Variants in ARHGAP35 observed in about 807,000 individuals in gnomAD.
ARHGAP35 encodes the protein rho GTPase-activating protein 35.
ARHGAP35 carries 15 observed loss-of-function variants against 111.1 expected under a neutral mutation model. The observed-to-expected ratio is 0.13, with a 90% CI of 0.09 to 0.21. The LOEUF is 0.21. Among genes scored for constraint, ARHGAP35 ranks in the 10% least tolerant of loss-of-function variants. The probability of loss-of-function intolerance (pLI) is 1.00; values close to 1 mark genes in which losing one functional copy is unlikely to be tolerated. For synonymous variants in ARHGAP35, 643 were observed against 710.3 expected (o/e 0.91, Z 1.51); for missense variants, 1,262 against 1,873.0 (o/e 0.67, Z 6.02).
intron 1 of ARHGAP35, among the ~76,000 whole-genome samples, chr19:46,862,320 C>T (rs986245469): frequency 6.6e-6 from 1 of 152,148 alleles, no homozygotes; most frequent in Non-Finnish European, 1.5e-5. Context: ...TTCCTCTCTT[C>T]CCCACCTCCT....
intron 1 of ARHGAP35, among the ~76,000 whole-genome samples, chr19:46,881,636 G>A (rs1384681216): frequency 6.6e-6 from 1 of 152,162 alleles, no homozygotes; most frequent in Non-Finnish European, 1.5e-5. Flanking sequence ...TAGAGCACAG[G>A]TAGAATACAG....
Position 46,986,262 on chromosome 19 carries a change from T to C in ARHGAP35, c.3827-1727T>C, listed in dbSNP as rs2056649440. The stretch of plus-strand genomic sequence containing the variant: ...AGGGTGAGTGGACTCAGTAGACAGC[T>C]TGGAATCCACTCTAAGCTGAACAGT... On this transcript the variant is annotated intron_variant, in intron 3 of 6. Transcript: ENST00000672722. The surrounding 1 kb of genome is among the most constrained non-coding windows in gnomAD (Gnocchi z 4.3). Among the ~76,000 whole-genome samples the C allele has an allele frequency of 2.0e-5, 3 of 152,166 alleles. No homozygotes were observed. Among genetic ancestry groups the C allele is most frequent in the Admixed American group, 6.5e-5 (1 of 15,286 alleles).
At position 46,945,643 on chromosome 19, in the gene ARHGAP35, T is replaced by G. The variant is rs1384489924; in HGVS notation, c.3826+8235T>G. On this transcript the variant is annotated intron_variant, in intron 3 of 6. Transcript: ENST00000672722. This position sits in a 1 kb window ranked among gnomAD's most constrained non-coding sequence, Gnocchi z 4.1. ...CGTCACACCTGCCCACCCGGGACGGTCTCAGCGTTCTGGAGACAGAATCCT... is the reference window on the plus strand; with the variant it reads ...CGTCACACCTGCCCACCCGGGACGGGCTCAGCGTTCTGGAGACAGAATCCT... 1.3e-5 allele frequency among the ~76,000 whole-genome samples: 2 copies of G among 152,088 alleles called. No individual in the cohort carries two copies. Among genetic ancestry groups the G allele is most frequent in the Non-Finnish European group, 2.9e-5 (2 of 67,998 alleles).
At chr19:46,898,191 G>A (rs1171335434) in intron 1 of ARHGAP35, among the ~76,000 whole-genome samples, 5 of 150,706 alleles carry the variant, frequency 3.3e-5, no homozygotes, top group African/African-American at 4.9e-5. Flanking sequence ...GAAGTGAGCC[G>A]AGATCGCGCC....
At chr19:46,931,542 C>T (rs73057387) in intron 2 of ARHGAP35, among the ~76,000 whole-genome samples, 1 of 152,182 alleles carries the variant, frequency 6.6e-6, no homozygotes, top group South Asian at 2.1e-4. Context: ...CACCATTTCT[C>T]CCCAGTGCAC....
intron 3 of ARHGAP35, among the ~76,000 whole-genome samples, chr19:46,982,476 C>CAA (rs111425230): frequency 3.1e-5 from 3 of 96,886 alleles, no homozygotes; most frequent in South Asian, 3.1e-4. Context: ...GACTTTGTCT[C>CAA]AAAAAAAAAA....
intron 1 of ARHGAP35, among the ~76,000 whole-genome samples, chr19:46,864,961 A>T (rs975452124): frequency 2.6e-5 from 4 of 152,242 alleles, no homozygotes; most frequent in African/African-American, 4.8e-5. Context: ...TGGCAGCATG[A>T]AAAGTTCCTG....
intron 2 of ARHGAP35, among the ~76,000 whole-genome samples, chr19:46,924,017 C>G (rs201960650): frequency 6.6e-6 from 1 of 151,818 alleles, no homozygotes; most frequent in African/African-American, 2.4e-5. Flanking sequence ...CACAACAGAA[C>G]TGTGTTATAT....
At chr19:46,873,749 T>C (rs111322857) in intron 1 of ARHGAP35, among the ~76,000 whole-genome samples, 1 of 150,178 alleles carries the variant, frequency 6.7e-6, no homozygotes, top group Non-Finnish European at 1.5e-5. Flanking sequence ...TATTTAAGCT[T>C]TTTTTTTTTC....
chr19:46,975,455 G>A (rs1037558640), intron 3 of ARHGAP35, among the ~76,000 whole-genome samples: 7 of 152,074 alleles, frequency 4.6e-5, no homozygotes, highest in South Asian at 2.1e-4. Context: ...AGTGTGCCGC[G>A]GCAGCACAGT....
At chr19:46,958,514 G>A (rs928283776) in intron 3 of ARHGAP35, among the ~76,000 whole-genome samples, 5 of 152,212 alleles carry the variant, frequency 3.3e-5, no homozygotes, top group African/African-American at 1.2e-4. Context: ...TAGCTTAGCA[G>A]GAGTTTTCCT....
rs1358429797 is a variant in ARHGAP35, at chr19:46,920,490, A to C, written c.1815A>C (p.Lys605Asn). Residue 605 changes from lysine (K) to asparagine (N), a missense_variant, in exon 2 of 7, where the codon AAA (lysine) becomes AAC (asparagine). By Grantham distance (94) the Lys-to-Asn change is moderately conservative. This residue lies in a region of ARHGAP35 where 328 missense variants were observed against 440.8 expected (regional missense o/e 0.74). Transcript: ENST00000672722. This position sits in a 1 kb window ranked among gnomAD's most constrained non-coding sequence, Gnocchi z 7.0. The stretch of plus-strand genomic sequence containing the variant: ...GAATCAACTTGGTTATATTGGGCAA[A>C]GACGGCCTTGCCCGAGAGTTGGCCA... Reference protein sequence around the residue: ...IDRINLVILGKDGLARELANE... With the variant: ...IDRINLVILGNDGLARELANE... 6.2e-7 allele frequency: 1 copy of C among 1,613,986 alleles called. No individual in the cohort carries two copies.
At chr19:46,906,032 A>G (rs115192948) in intron 1 of ARHGAP35, among the ~76,000 whole-genome samples, 2,393 of 151,934 alleles carry the variant, frequency 0.016, 64 homozygotes, top group African/African-American at 0.055. Flanking sequence ...AAAACAGATC[A>G]AAAGCTAGGT....
At chr19:46,915,269 C>T (rs1216999988) in intron 1 of ARHGAP35, among the ~76,000 whole-genome samples, 3 of 152,138 alleles carry the variant, frequency 2.0e-5, no homozygotes, top group Non-Finnish European at 4.4e-5. Flanking sequence ...TTTTCTTTCC[C>T]GTGGATACCT....
intron 3 of ARHGAP35, among the ~76,000 whole-genome samples, chr19:46,979,561 C>T (rs1011775572): frequency 5.9e-5 from 9 of 152,206 alleles, no homozygotes; most frequent in East Asian, 1.9e-4. Context: ...TCCTACTTGA[C>T]GGTTCATGGC....
At chr19:46,880,921 C>T (rs555769931) in intron 1 of ARHGAP35, among the ~76,000 whole-genome samples, 2 of 150,464 alleles carry the variant, frequency 1.3e-5, no homozygotes, top group South Asian at 2.1e-4. Context: ...AGGGATCCTC[C>T]TGCCTCAGCC....
At chr19:46,873,389 T>C (rs537592368) in intron 1 of ARHGAP35, among the ~76,000 whole-genome samples, 1 of 152,178 alleles carries the variant, frequency 6.6e-6, no homozygotes, top group South Asian at 2.1e-4. Flanking sequence ...CCTAGCACTT[T>C]GGTGGGCCGA....
chr19:46,861,265 G>A (rs2055824688), intron 1 of ARHGAP35, among the ~76,000 whole-genome samples, 56 bp downstream of exon 1: 2 of 151,198 alleles, frequency 1.3e-5, no homozygotes, highest in African/African-American at 2.4e-5. Context: ...GCCCCGCTGC[G>A]GGGTCCAGGG....
In ARHGAP35 at chr19:47,001,206, C is replaced by T. The variant is rs1399914545; in HGVS notation, c.*518C>T. 4 of 1,269,892 alleles carry T rather than the reference C, an allele frequency of 3.1e-6. No homozygotes were observed. The Admixed American group carries it at 9.8e-5, about 31-fold the overall frequency. The allele number at this position is 1,269,892 out of a possible 1,614,324, so 78.7% of individuals were successfully genotyped here. On this transcript the variant is annotated 3_prime_UTR_variant, in exon 7 of 7. Coordinates refer to ENST00000672722, the MANE Select transcript of ARHGAP35 (RefSeq NM_004491.5). This position sits in a 1 kb window ranked among gnomAD's most constrained non-coding sequence, Gnocchi z 5.4. ...GCGGCCTCCTTGGGAACGTGTAGGCCACGGCTCTGCCACCACTAGGTACCT... is the reference window on the plus strand; with the variant it reads ...GCGGCCTCCTTGGGAACGTGTAGGCTACGGCTCTGCCACCACTAGGTACCT...
Sources: gnomAD v4.1 joint callset for allele counts (sites outside exome capture counted in the v4.1 genomes callset) on GRCh38, gnomAD v4.1.1 for gene constraint, gnomAD v4.1.1 regional missense constraint, Gnocchi (gnomAD v3.1) non-coding constraint, MANE v1.5 for transcripts, NCBI Gene and HGNC (gene_info 2026-07-23, HGNC 2026-07-21) for gene names.